The following LRRC7 variants were observed in gnomAD, a reference collection of about 807,000 sequenced individuals.
LRRC7 encodes leucine rich repeat containing 7, also known as leucine-rich repeat-containing protein 7.
A neutral mutation model predicts 175.7 loss-of-function variants in LRRC7; 23 were observed. That is an observed-to-expected ratio of 0.13 (90% CI 0.09 to 0.19). The LOEUF (loss-of-function observed/expected upper bound fraction) is 0.19. LRRC7 is among the 10% of genes least tolerant of loss of function. The pLI is 1.00. For missense variants in LRRC7, 1,354 were observed against 1,904.7 expected, an observed-to-expected ratio of 0.71 and a Z score of 5.38; for synonymous variants, 685 against 680.9, an observed-to-expected ratio of 1.01 and a Z score of -0.09.
intron 13 of LRRC7, chr1:70,013,903 A>G (rs1571013634): frequency 1.3e-5 from 2 of 152,076 alleles, no homozygotes; most frequent in Non-Finnish European, 2.9e-5. Context: ...GAATAATCAG[A>G]TTTTAGAAGT....
chr1:69,600,682 CT>C (rs1395080466), intron 1 of LRRC7, among the ~76,000 whole-genome samples: 2 of 151,458 alleles, frequency 1.3e-5, no homozygotes, highest in Non-Finnish European at 2.9e-5. Flanking sequence ...TTTCCCCATG[CT>C]TTTTTCTTAT....
intron 2 of LRRC7, among the ~76,000 whole-genome samples, chr1:69,735,138 T>C (rs1667975032): frequency 6.6e-6 from 1 of 152,022 alleles, no homozygotes; most frequent in Middle Eastern, 3.2e-3. Flanking sequence ...TAACCACCAT[T>C]ATCAGGTGGT....
At chr1:70,027,001 G>A (rs1309323045) in intron 17 of LRRC7, among the ~76,000 whole-genome samples, 1 of 151,994 alleles carries the variant, frequency 6.6e-6, no homozygotes, top group African/African-American at 2.4e-5. Context: ...TGAATTACAT[G>A]GGTGTGTGGG....
At chr1:69,718,146 A>G (rs1002719624) in intron 2 of LRRC7, among the ~76,000 whole-genome samples, 12 of 76,432 alleles carry the variant, frequency 1.6e-4, no homozygotes, top group African/African-American at 3.9e-4. Context: ...AAGAGAGAGA[A>G]AGAAAGAAAG....
chr1:69,669,820 G>A (rs924153346), intron 1 of LRRC7, among the ~76,000 whole-genome samples: 2 of 151,938 alleles, frequency 1.3e-5, no homozygotes, highest in Non-Finnish European at 2.9e-5. Context: ...CTGACTAATT[G>A]TTTTTTCTGC....
At chr1:69,838,447 A>G in intron 7 of LRRC7, 164 bp downstream of exon 7, 1 of 575,630 alleles carries the variant, frequency 1.7e-6, no homozygotes, top group Non-Finnish European at 3.2e-6. Context: ...TTCATATTAC[A>G]TGAGAATGTA....
rs201332183 is a variant in LRRC7, at chr1:69,879,212, T to TAAAAAAA, written c.647+40947_647+40953dup. Among the ~76,000 whole-genome samples, 49 of 91,962 alleles carry TAAAAAAA rather than the reference T, an allele frequency of 5.3e-4. 2 individuals are homozygous for TAAAAAAA. Among genetic ancestry groups the TAAAAAAA allele is most frequent in the African/African-American group, 2.3e-3 (45 of 19,192 alleles). 60.3% of individuals were successfully genotyped at this position (91,962 alleles called of 152,430 possible). On this transcript the variant is annotated intron_variant, in intron 7 of 26. Coordinates refer to ENST00000651989, the MANE Select transcript of LRRC7 (RefSeq NM_001370785.2). ...TTTTGCTGTAAACCTAAAACTGCTT[T>TAAAAAAA]AAAAAAAAAAAAAAAAAAAAAAAAG...
At chr1:69,665,632 T>C (rs1658150442) in intron 1 of LRRC7, among the ~76,000 whole-genome samples, 1 of 152,108 alleles carries the variant, frequency 6.6e-6, no homozygotes, top group Non-Finnish European at 1.5e-5. Flanking sequence ...TTGTTCTCTG[T>C]TGGCATATAG....
chr1:69,688,455 T>C (rs1661444775), intron 2 of LRRC7, among the ~76,000 whole-genome samples: 1 of 152,134 alleles, frequency 6.6e-6, no homozygotes, highest in Non-Finnish European at 1.5e-5. Flanking sequence ...TAAAGAAATT[T>C]GATGGTTTGC....
At chr1:69,637,957 T>G (rs1331469749) in intron 1 of LRRC7, among the ~76,000 whole-genome samples, 1 of 151,794 alleles carries the variant, frequency 6.6e-6, no homozygotes, top group Non-Finnish European at 1.5e-5. Context: ...CGCCTGAGAT[T>G]TTAAGGCCAG....
intron 3 of LRRC7, among the ~76,000 whole-genome samples, chr1:69,767,730 G>A (rs984494376): frequency 1.3e-5 from 2 of 152,048 alleles, no homozygotes; most frequent in Non-Finnish European, 2.9e-5. Flanking sequence ...CCAAAGTGCT[G>A]GATTTACAGA....
intron 1 of LRRC7, among the ~76,000 whole-genome samples, chr1:69,595,183 A>G (rs1306079229): frequency 1.3e-5 from 2 of 152,134 alleles, no homozygotes; most frequent in African/African-American, 4.8e-5. Flanking sequence ...GCACTTTGAG[A>G]GGCTAAAGCA....
At chr1:69,707,286 C>T (rs1664156449) in intron 2 of LRRC7, among the ~76,000 whole-genome samples, 2 of 152,024 alleles carry the variant, frequency 1.3e-5, no homozygotes, top group African/African-American at 4.8e-5. Flanking sequence ...AGAGAATGCC[C>T]CCAGATGCAG....
chr1:70,076,321 T>C (rs758772905), intron 24 of LRRC7, 23 bp downstream of exon 24: 2 of 1,606,676 alleles, frequency 1.2e-6, no homozygotes, highest in Admixed American at 1.7e-5. Context: ...TCTTTATTAC[T>C]GAAAAATCTT....
chr1:69,858,973 G>A (rs1215825563), intron 7 of LRRC7, among the ~76,000 whole-genome samples: 1 of 152,100 alleles, frequency 6.6e-6, no homozygotes, highest in Non-Finnish European at 1.5e-5. Context: ...CAACAGCACA[G>A]CACCTAAGTG....
rs199836564 is a variant in LRRC7, at chr1:69,881,726, C to T, written c.647+43443C>T. ...ATCCCCATCTCTACAAAAAAAAAAACAAAATTAACCAAGAGTGGTAGTGCA... is the reference window on the plus strand; with the variant it reads ...ATCCCCATCTCTACAAAAAAAAAAATAAAATTAACCAAGAGTGGTAGTGCA... On this transcript the variant is annotated intron_variant, in intron 7 of 26. Coordinates refer to ENST00000651989, the MANE Select transcript of LRRC7 (RefSeq NM_001370785.2). 4.0e-3 allele frequency among the ~76,000 whole-genome samples: 590 copies of T among 148,944 alleles called. 3 individuals are homozygous for T. The highest frequency in any genetic ancestry group is 0.013 in the African/African-American group (545 of 40,558).
At chr1:69,583,069 G>C (rs1017704272) in intron 1 of LRRC7, among the ~76,000 whole-genome samples, 1 of 151,756 alleles carries the variant, frequency 6.6e-6, no homozygotes, top group African/African-American at 2.4e-5. Flanking sequence ...CTGAAGTTTA[G>C]TTATAAAATA....
At chr1:69,843,177 G>A (rs1328234376) in intron 7 of LRRC7, among the ~76,000 whole-genome samples, 1 of 151,880 alleles carries the variant, frequency 6.6e-6, no homozygotes. Flanking sequence ...GAGCAACAGA[G>A]TGAGACTCCA....
chr1:69,717,841 A>AGG (rs754934916), intron 2 of LRRC7, among the ~76,000 whole-genome samples: 295 of 19,316 alleles, frequency 0.015, 23 homozygotes, highest in African/African-American at 0.047. Flanking sequence ...AAAGAAAGAA[A>AGG]AAAGAAAGAA....
Sources: allele counts gnomAD v4.1 joint callset (sites outside exome capture counted in the v4.1 genomes callset), GRCh38; gene constraint gnomAD v4.1.1; transcripts MANE v1.5; gene names NCBI Gene and HGNC (gene_info 2026-07-23, HGNC 2026-07-21).